THSD7B: variants seen among roughly 807,000 people sequenced by gnomAD.
The protein encoded by THSD7B is thrombospondin type 1 domain containing 7B, also known as thrombospondin type-1 domain-containing protein 7B.
THSD7B carries 138 observed loss-of-function variants against 213.6 expected under a neutral mutation model. That is an observed-to-expected ratio of 0.65 (90% confidence interval 0.56 to 0.74). THSD7B has a LOEUF of 0.74. Among genes scored for constraint, THSD7B ranks in the 30% least tolerant of loss-of-function variants. The pLI is 0.00. For synonymous variants in THSD7B, 742 were observed against 687.0 expected (o/e 1.08, Z -1.25); for missense variants, 1,931 against 1,991.5 (o/e 0.97, Z 0.58).
intron 10 of THSD7B, among the ~76,000 whole-genome samples, chr2:137,261,536 C>A (rs1419949175): frequency 6.6e-6 from 1 of 152,040 alleles, no homozygotes; most frequent in Non-Finnish European, 1.5e-5. Flanking sequence ...AGACCTTGGG[C>A]TCCAGGTTTA....
intron 5 of THSD7B, among the ~76,000 whole-genome samples, chr2:137,130,713 A>AT (rs1432953979): frequency 2.7e-5 from 4 of 150,210 alleles, no homozygotes; most frequent in Non-Finnish European, 5.9e-5. Flanking sequence ...TGAAGTCATC[A>AT]TTTTTTATGG....
At chr2:137,316,379 G>A (rs2104871757) in intron 12 of THSD7B, among the ~76,000 whole-genome samples, 1 of 152,344 alleles carries the variant, frequency 6.6e-6, no homozygotes, top group African/African-American at 2.4e-5. Flanking sequence ...AGGTTTCCCT[G>A]ATGAGTTCCC....
intron 2 of THSD7B, among the ~76,000 whole-genome samples, chr2:137,025,614 T>C (rs1686538512): frequency 6.6e-6 from 1 of 152,190 alleles, no homozygotes; most frequent in South Asian, 2.1e-4. Context: ...TCCCAGATGC[T>C]GTGCATCTTG....
chr2:137,314,215 C>G (rs1558754208), intron 12 of THSD7B, among the ~76,000 whole-genome samples: 1 of 152,066 alleles, frequency 6.6e-6, no homozygotes, highest in African/African-American at 2.4e-5. Context: ...TCTTTTTATT[C>G]TTTTTTCTCT....
chr2:137,616,623 A>G (rs1682392641), intron 18 of THSD7B, among the ~76,000 whole-genome samples: 1 of 152,206 alleles, frequency 6.6e-6, no homozygotes, highest in African/African-American at 2.4e-5. Context: ...AGTAGCAGAG[A>G]ATAATTTACC....
intron 12 of THSD7B, among the ~76,000 whole-genome samples, chr2:137,347,438 C>G (rs1434512625): frequency 4.6e-5 from 7 of 151,474 alleles, no homozygotes; most frequent in African/African-American, 9.7e-5. Context: ...ACTTTAACAA[C>G]AGAAGCAGTA....
chr2:136,811,796 G>A (rs1682381046), intron 1 of THSD7B, among the ~76,000 whole-genome samples: 1 of 152,104 alleles, frequency 6.6e-6, no homozygotes, highest in African/African-American at 2.4e-5. Context: ...TTTCTACATG[G>A]CAGCACAGGG....
At chr2:137,589,029 C>A (rs1163637529) in intron 17 of THSD7B, among the ~76,000 whole-genome samples, 2 of 152,132 alleles carry the variant, frequency 1.3e-5, no homozygotes, top group Non-Finnish European at 2.9e-5. Flanking sequence ...ATCTGCCCGT[C>A]TGGGCCTCCA....
intron 2 of THSD7B, among the ~76,000 whole-genome samples, chr2:137,054,755 A>G (rs540207793): frequency 8.6e-5 from 13 of 151,146 alleles, no homozygotes; most frequent in Non-Finnish European, 1.9e-4. Flanking sequence ...TACCTAGTTA[A>G]GCTGATAAAA....
intron 20 of THSD7B, among the ~76,000 whole-genome samples, chr2:137,623,879 A>G (rs1467960544): frequency 6.6e-6 from 1 of 152,254 alleles, no homozygotes; most frequent in African/African-American, 2.4e-5. Context: ...GGAAGAATCA[A>G]TATCGTGAAA....
At chr2:137,270,008 G>A (rs566070967) in intron 10 of THSD7B, among the ~76,000 whole-genome samples, 22 of 152,310 alleles carry the variant, frequency 1.4e-4, no homozygotes, top group African/African-American at 5.3e-4. Flanking sequence ...AACAGGGTAT[G>A]ATGGTTTAGG....
intron 2 of THSD7B, among the ~76,000 whole-genome samples, chr2:136,938,646 G>GCACAGAT (rs1157286334): frequency 6.6e-6 from 1 of 152,092 alleles, no homozygotes; most frequent in Non-Finnish European, 1.5e-5. Context: ...TTTTGTTGCA[G>GCACAGAT]CACAGATTAG....
chr2:137,576,199 G>T (rs1056507060), intron 17 of THSD7B, among the ~76,000 whole-genome samples: 3 of 151,964 alleles, frequency 2.0e-5, no homozygotes, highest in Non-Finnish European at 4.4e-5. Context: ...ATCTCTCCTT[G>T]GAGTCTTGGC....
chr2:137,059,024 G>A (rs1687221790), intron 3 of THSD7B, among the ~76,000 whole-genome samples: 2 of 152,112 alleles, frequency 1.3e-5, no homozygotes, highest in African/African-American at 4.8e-5. Flanking sequence ...CCATAGTTTG[G>A]GAATTTAAAT....
chr2:137,142,697 A>G (rs1430793224), intron 5 of THSD7B, among the ~76,000 whole-genome samples: 4 of 152,138 alleles, frequency 2.6e-5, no homozygotes, highest in African/African-American at 9.6e-5. Context: ...GAAATCTATC[A>G]CAACATTAGG....
At chr2:137,407,391 A>G (rs918974572) in intron 13 of THSD7B, among the ~76,000 whole-genome samples, 1 of 152,116 alleles carries the variant, frequency 6.6e-6, no homozygotes, top group South Asian at 2.1e-4. Context: ...CTTTATGTCT[A>G]CGTGGCACCA....
chr2:137,586,645 AG>A (rs1681735760), intron 17 of THSD7B, among the ~76,000 whole-genome samples: 1 of 152,136 alleles, frequency 6.6e-6, no homozygotes, highest in Non-Finnish European at 1.5e-5. Context: ...CTTTTCTTTA[AG>A]AATGTTGAAT....
At chr2:137,330,740 G>A (rs1441643077) in intron 12 of THSD7B, among the ~76,000 whole-genome samples, 1 of 152,102 alleles carries the variant, frequency 6.6e-6, no homozygotes, top group Admixed American at 6.5e-5. Context: ...GTGAGCAGCA[G>A]CAAGATTTAT....
At chr2:136,976,455 T>C (rs185587096) in intron 2 of THSD7B, among the ~76,000 whole-genome samples, 8 of 152,328 alleles carry the variant, frequency 5.3e-5, no homozygotes, top group Non-Finnish European at 8.8e-5. Context: ...TAGTTCTGTT[T>C]ATGTGATGAG....
Sources: allele counts gnomAD v4.1 joint callset (sites outside exome capture counted in the v4.1 genomes callset), GRCh38; gene constraint gnomAD v4.1.1; transcripts MANE v1.5; gene names NCBI Gene and HGNC (gene_info 2026-07-23, HGNC 2026-07-21).